The following NRG3 variants were observed in gnomAD, a reference collection of about 807,000 sequenced individuals.
NRG3 encodes the protein neuregulin 3.
Under a neutral mutation model 66.9 loss-of-function variants are expected in NRG3, and 31 were observed. That is an observed-to-expected ratio of 0.46 (90% CI 0.35 to 0.63). NRG3 has a LOEUF of 0.63. Ranked by LOEUF, NRG3 falls within the 20% of genes least tolerant of loss-of-function variation. The pLI is 0.00. For synonymous variants in NRG3, 393 were observed against 359.4 expected (o/e 1.09, Z -1.06); for missense variants, 910 against 878.9 (o/e 1.04, Z -0.45).
chr10:82,026,630 A>AT lies in NRG3; in HGVS notation c.823+150474dup, dbSNP rs548232698. Among the ~76,000 whole-genome samples the AT allele has an allele frequency of 1.2e-3, 187 of 151,192 alleles. 1 individual carries two copies. Among genetic ancestry groups the AT allele is most frequent in the African/African-American group, 4.0e-3 (167 of 41,258 alleles). On this transcript the variant is annotated intron_variant, in intron 1 of 8. Transcript: ENST00000372141. ...AATTTCTGATTTCATTATTTGGTAAATTTTTTTGTGTGGATTTTTGTGTGG... is the reference window on the plus strand; with the variant it reads ...AATTTCTGATTTCATTATTTGGTAAATTTTTTTTGTGTGGATTTTTGTGTGG...
intron 1 of NRG3, among the ~76,000 whole-genome samples, chr10:81,907,874 G>A (rs986886944): frequency 6.6e-6 from 1 of 152,138 alleles, no homozygotes; most frequent in Non-Finnish European, 1.5e-5. Context: ...TTTGATATTA[G>A]AGATGGTATC....
chr10:82,219,486 G>T (rs1239202604), intron 1 of NRG3, among the ~76,000 whole-genome samples: 1 of 151,770 alleles, frequency 6.6e-6, no homozygotes, highest in Non-Finnish European at 1.5e-5. Flanking sequence ...TTAACCTTTA[G>T]TACTTTGTGA....
chr10:82,256,574 C>T (rs571451565), intron 1 of NRG3, among the ~76,000 whole-genome samples: 57 of 152,328 alleles, frequency 3.7e-4, no homozygotes, highest in African/African-American at 9.9e-4. Context: ...CACTCTTGCT[C>T]TCTATCCTGC....
intron 2 of NRG3, among the ~76,000 whole-genome samples, chr10:82,429,401 G>A (rs185838659): frequency 9.2e-5 from 14 of 151,942 alleles, no homozygotes; most frequent in African/African-American, 3.1e-4. Flanking sequence ...AATAAATATA[G>A]ACTTTTTAGT....
chr10:82,391,698 G>T (rs974208001), intron 2 of NRG3, among the ~76,000 whole-genome samples: 1 of 152,112 alleles, frequency 6.6e-6, no homozygotes, highest in Non-Finnish European at 1.5e-5. Context: ...GGGAAAAAAT[G>T]AGTCCACTCA....
intron 1 of NRG3, among the ~76,000 whole-genome samples, chr10:82,151,901 C>G (rs866832342): frequency 6.6e-6 from 1 of 152,198 alleles, no homozygotes; most frequent in Non-Finnish European, 1.5e-5. Flanking sequence ...TGACCTCACT[C>G]TTTCACATAT....
chr10:82,240,213 G>A (rs1000459715), intron 1 of NRG3, among the ~76,000 whole-genome samples: 1 of 151,846 alleles, frequency 6.6e-6, no homozygotes, highest in Non-Finnish European at 1.5e-5. Flanking sequence ...TCGATATAAT[G>A]TGATTTTATC....
chr10:82,110,533 A>G (rs1340950757), intron 1 of NRG3, among the ~76,000 whole-genome samples: 1 of 152,154 alleles, frequency 6.6e-6, no homozygotes, highest in Non-Finnish European at 1.5e-5. Flanking sequence ...AGACGAGGCT[A>G]TTCCATGAAA....
intron 1 of NRG3, among the ~76,000 whole-genome samples, chr10:82,067,768 G>A (rs2064570076): frequency 6.6e-6 from 1 of 152,100 alleles, no homozygotes; most frequent in South Asian, 2.1e-4. Context: ...TGGTGGAAGG[G>A]AGCCACTCAA....
chr10:82,946,031 C>T (rs1386919291), intron 4 of NRG3, among the ~76,000 whole-genome samples: 2 of 151,784 alleles, frequency 1.3e-5, no homozygotes, highest in East Asian at 3.9e-4. Context: ...TTTGTTAATT[C>T]AAGTAACAAG....
At chr10:82,970,824 T>G (rs1851655283) in intron 6 of NRG3, among the ~76,000 whole-genome samples, 1 of 152,226 alleles carries the variant, frequency 6.6e-6, no homozygotes, top group Admixed American at 6.5e-5. Context: ...CCATATAGTT[T>G]TATAAAGGTT....
chr10:82,625,938 T>C (rs1461111786), intron 2 of NRG3, among the ~76,000 whole-genome samples: 1 of 152,196 alleles, frequency 6.6e-6, no homozygotes, highest in East Asian at 1.9e-4. Flanking sequence ...TTGGAAATCA[T>C]GGGCTTCCTG....
At chr10:82,452,658 G>A (rs916525410) in intron 2 of NRG3, among the ~76,000 whole-genome samples, 2 of 151,464 alleles carry the variant, frequency 1.3e-5, no homozygotes, top group Admixed American at 6.6e-5. Context: ...CTGTCATCTT[G>A]TGGAGTTTCC....
intron 1 of NRG3, among the ~76,000 whole-genome samples, chr10:82,098,007 T>C (rs943291096): frequency 6.6e-6 from 1 of 151,536 alleles, no homozygotes; most frequent in African/African-American, 2.4e-5. Context: ...GAGAAGGATC[T>C]GAGACCTTAT....
chr10:82,836,022 C>G (rs1220611357), intron 3 of NRG3, among the ~76,000 whole-genome samples: 1 of 152,118 alleles, frequency 6.6e-6, no homozygotes, highest in Non-Finnish European at 1.5e-5. Context: ...GTATGGCTGA[C>G]AAGCTAAGAA....
intron 3 of NRG3, among the ~76,000 whole-genome samples, chr10:82,747,648 A>T (rs2058701061): frequency 6.6e-6 from 1 of 151,800 alleles, no homozygotes; most frequent in Admixed American, 6.6e-5. Context: ...ATTTTTAATT[A>T]TTTTTCTTTG....
chr10:82,582,201 T>C (rs2046393562), intron 2 of NRG3, among the ~76,000 whole-genome samples: 1 of 152,156 alleles, frequency 6.6e-6, no homozygotes, highest in South Asian at 2.1e-4. Flanking sequence ...GTGGATTCTT[T>C]TGAGTATATG....
chr10:82,423,587 A>C (rs372606300), intron 2 of NRG3, among the ~76,000 whole-genome samples: 10 of 151,948 alleles, frequency 6.6e-5, no homozygotes, highest in East Asian at 1.9e-4. Context: ...GGAAACAGTA[A>C]TTACCATTAT....
intron 3 of NRG3, among the ~76,000 whole-genome samples, chr10:82,858,278 C>T (rs1430789445): frequency 6.6e-6 from 1 of 152,164 alleles, no homozygotes; most frequent in Non-Finnish European, 1.5e-5. Flanking sequence ...CAGCCAGAGC[C>T]AGCCCCATTC....
Sources: gnomAD v4.1 joint callset for allele counts (sites outside exome capture counted in the v4.1 genomes callset) on GRCh38, gnomAD v4.1.1 for gene constraint, MANE v1.5 for transcripts, NCBI Gene and HGNC (gene_info 2026-07-23, HGNC 2026-07-21) for gene names.